OR2B11: variants seen among roughly 807,000 people sequenced by gnomAD.
OR2B11 encodes the protein olfactory receptor family 2 subfamily B member 11.
For missense variants in OR2B11, 422 were observed against 400.0 expected (o/e 1.05, Z -0.47); for synonymous variants, 198 against 174.5 (o/e 1.13, Z -1.06).
At chr1:247,456,342 T>C (rs1664964184) in intron 1 of OR2B11, among the ~76,000 whole-genome samples, 1 of 152,034 alleles carries the variant, frequency 6.6e-6, no homozygotes, top group Non-Finnish European at 1.5e-5. Flanking sequence ...AGAGATGGGG[T>C]CTTGCTATTG....
At position 247,453,642 on chromosome 1, in the gene OR2B11, C is replaced by T. The variant is rs1416334636; in HGVS notation, c.-1660G>A. The T allele has an allele frequency of 1.3e-5, 2 of 151,910 alleles. No homozygotes were observed. Among genetic ancestry groups the T allele is most frequent in the African/African-American group, 4.8e-5 (2 of 41,324 alleles). The allele number at this position is 151,910 out of a possible 1,614,324, so 9.4% of individuals were successfully genotyped here. A position where few individuals can be genotyped will look rare whatever the true frequency, so the allele number is the denominator to read the frequency against. ...CTGATTCCAGAGTTTCTTTTCAGAG[C>T]CTAAACTGGGAGAAAAGGGAGAAGT... On this transcript the variant is annotated 5_prime_UTR_variant, in exon 2 of 2. Coordinates refer to ENST00000641149, the MANE Select transcript of OR2B11 (RefSeq NM_001004492.2).
In OR2B11 at chr1:247,451,161, C is replaced by T. The variant is rs912097071; in HGVS notation, c.822G>A (p.Gln274=). The change falls in exon 2 of 2, where the codon CAG becomes CAA. Residue 274 remains glutamine, a synonymous_variant. Coordinates refer to ENST00000641149, the MANE Select transcript of OR2B11 (RefSeq NM_001004492.2). ...AATAGAAGAGAGAAATAAATTTGCC[C>T]TGCTCTTGGGAGTAGCTGGAAGGGG... The part of the protein sequence containing the change: ...LQPPSSYSQE[Q]GKFISLFYSI... The T allele has an allele frequency of 1.3e-6, 2 of 1,540,388 alleles. No homozygotes were observed. The highest frequency in any genetic ancestry group is 2.5e-5 in the South Asian group (2 of 78,458).
In OR2B11 at chr1:247,454,006, G is replaced by A. The variant is rs558748471; in HGVS notation, c.-2024C>T. 2 of 152,402 alleles carry A rather than the reference G, an allele frequency of 1.3e-5. No homozygotes were observed. The highest frequency in any genetic ancestry group is 3.9e-4 in the East Asian group (2 of 5,180). 9.4% of individuals were successfully genotyped at this position (152,402 alleles called of 1,614,324 possible). A position where few individuals can be genotyped will look rare whatever the true frequency, so the allele number is the denominator to read the frequency against. On this transcript the variant is annotated 5_prime_UTR_variant, in exon 2 of 2. Coordinates refer to ENST00000641149, the MANE Select transcript of OR2B11 (RefSeq NM_001004492.2). The stretch of plus-strand genomic sequence containing the variant: ...GGTGACATGGGGAGCAGCAAGGGCA[G>A]TCGCGTAAACGACTGAGACAAAAGA...
chr1:247,455,814 C>T (rs9988501), intron 1 of OR2B11, among the ~76,000 whole-genome samples: 113,614 of 152,046 alleles, frequency 0.75, 42,814 homozygotes, highest in East Asian at 0.93. Flanking sequence ...CTTCCCTTCC[C>T]TTCATGTCCC....
intron 1 of OR2B11, 25 bp from the exon 2 acceptor site, chr1:247,455,089 T>C (rs1373686610): frequency 6.6e-6 from 1 of 152,176 alleles, no homozygotes; most frequent in African/African-American, 2.4e-5. Flanking sequence ...ATCCTTATGA[T>C]TAATATTTAT....
At position 247,451,372 on chromosome 1, in the gene OR2B11, G is replaced by A. The variant is rs765958164; in HGVS notation, c.611C>T (p.Ala204Val). ...ADTAVNDTIL[A>V]VLVAFFVLVP... ...CAACACGAAGAAGGCCACCAGCACAGCCAGTATGGTGTCATTCACAGCGGT... is the reference window on the plus strand; with the variant it reads ...CAACACGAAGAAGGCCACCAGCACAACCAGTATGGTGTCATTCACAGCGGT... The change falls in exon 2 of 2, where the codon GCT becomes GTT. Residue 204 changes from alanine to valine, a missense_variant. Ala to Val is a moderately conservative substitution (Grantham distance 64, BLOSUM62 0). Coordinates refer to ENST00000641149, the MANE Select transcript of OR2B11 (RefSeq NM_001004492.2). 2 of 1,614,206 alleles carry A rather than the reference G, an allele frequency of 1.2e-6. No homozygotes were observed. Among genetic ancestry groups the A allele is most frequent in the Non-Finnish European group, 1.7e-6 (2 of 1,180,034 alleles).
In OR2B11 at chr1:247,452,069, C is replaced by T; in HGVS notation, c.-87G>A. The T allele has an allele frequency of 2.6e-6, 2 of 765,382 alleles. No individual in the cohort carries two copies. Among genetic ancestry groups the T allele is most frequent in the South Asian group, 3.3e-5 (2 of 60,160 alleles). The allele number at this position is 765,382 out of a possible 1,614,324, so 47.4% of individuals were successfully genotyped here. On this transcript the variant is annotated 5_prime_UTR_variant, in exon 2 of 2. Transcript: ENST00000641149. ...AGAGGAATTGATCACTTTCCTCCCT[C>T]TTGCATCCACTCTTCCTTTCCCAGG...
intron 1 of OR2B11, among the ~76,000 whole-genome samples, chr1:247,455,825 A>G (rs9287213): frequency 0.88 from 133,182 of 152,124 alleles, 58,557 homozygotes; most frequent in East Asian, 1. Context: ...TTCATGTCCC[A>G]CCTCTGGTTT....
chr1:247,451,228 A>G lies in OR2B11; in HGVS notation c.755T>C (p.Val252Ala). Residue 252 changes from valine (V) to alanine (A), a missense_variant, in exon 2 of 2, where the codon GTC becomes GCC. Val to Ala is a moderately conservative substitution (Grantham distance 64). Transcript: ENST00000641149. ...AATCGCAGGTAGGTAGAAGAGGGAG[A>G]CGATCATCAGGTGGGAGGAACACGT... ...FGTCSSHLMI[V>A]SLFYLPAIYM... 6.3e-7 allele frequency: 1 copy of G among 1,599,726 alleles called. No homozygotes were observed. Among genetic ancestry groups the G allele is most frequent in the Non-Finnish European group, 8.5e-7 (1 of 1,169,904 alleles).
rs10802508 is a variant in OR2B11, at chr1:247,454,453, A to G, written c.-2471T>C. 0.67 allele frequency: 101,869 copies of G among 152,046 alleles called. 36,737 individuals are homozygous for G. The highest frequency in any genetic ancestry group is 0.94 in the East Asian group (4,837 of 5,158). The allele number at this position is 152,046 out of a possible 1,614,324, so 9.4% of individuals were successfully genotyped here. ...AACATCGCCATCGCATTCAGACGGAATCCCTCAGGCTGTATCTACAGTTGT... is the reference window on the plus strand; with the variant it reads ...AACATCGCCATCGCATTCAGACGGAGTCCCTCAGGCTGTATCTACAGTTGT... On this transcript the variant is annotated 5_prime_UTR_variant, in exon 2 of 2. Coordinates refer to ENST00000641149, the MANE Select transcript of OR2B11 (RefSeq NM_001004492.2).
rs1232453572 is a variant in OR2B11, at chr1:247,453,708, C to G, written c.-1726G>C. 6.6e-6 allele frequency: 1 copy of G among 152,078 alleles called. No individual in the cohort carries two copies. The highest frequency in any genetic ancestry group is 2.4e-5 in the African/African-American group (1 of 41,396). 9.4% of individuals were successfully genotyped at this position (152,078 alleles called of 1,614,324 possible). ...GAAAGAAATGAGAGAATGAAGGAAGCAAGAAAGATAGAGGGGTAAATGTAT... is the reference window on the plus strand; with the variant it reads ...GAAAGAAATGAGAGAATGAAGGAAGGAAGAAAGATAGAGGGGTAAATGTAT... On this transcript the variant is annotated 5_prime_UTR_variant, in exon 2 of 2. Coordinates refer to ENST00000641149, the MANE Select transcript of OR2B11 (RefSeq NM_001004492.2).
Position 247,451,606 on chromosome 1 carries a change from C to A in OR2B11, c.377G>T (p.Arg126Leu), listed in dbSNP as rs544387517. 1 of 1,613,636 alleles carries A rather than the reference C, an allele frequency of 6.2e-7. No individual in the cohort carries two copies. Among genetic ancestry groups the A allele is most frequent in the Non-Finnish European group, 8.5e-7 (1 of 1,179,818 alleles). Residue 126 changes from arginine (R) to leucine (L), a missense_variant, in exon 2 of 2, where the codon CGC becomes CTC. Transcript: ENST00000641149. ...CAGGGGCTTGCAGATGGCCACGTAGCGGTCCAGGGCCATGGCGGCCAGGAC... is the reference window on the plus strand; with the variant it reads ...CAGGGGCTTGCAGATGGCCACGTAGAGGTCCAGGGCCATGGCGGCCAGGAC... ...CIVLAAMALDRYVAICKPLHY... is the reference protein window; with the variant it reads ...CIVLAAMALDLYVAICKPLHY...
rs1394734143 is a variant in OR2B11 at position 247,452,516 on chromosome 1, A to G, written c.-534T>C. 6.2e-6 allele frequency: 1 copy of G among 160,682 alleles called. No homozygotes were observed. The highest frequency in any genetic ancestry group is 1.8e-4 in the East Asian group (1 of 5,596). 10.0% of individuals were successfully genotyped at this position (160,682 alleles called of 1,614,324 possible). The stretch of plus-strand genomic sequence containing the variant: ...AAGCAAGCAGAAGGGCTTTGTGAGC[A>G]GCTGGGGGCTGTATTGATAGGACCA... On this transcript the variant is annotated 5_prime_UTR_variant, in exon 2 of 2. Transcript: ENST00000641149.
rs61618517 is a variant in OR2B11, at chr1:247,449,492, G to C, written c.*1537C>G. 6.6e-6 allele frequency: 1 copy of C among 152,190 alleles called. No homozygotes were observed. Among genetic ancestry groups the C allele is most frequent in the Non-Finnish European group, 1.5e-5 (1 of 68,014 alleles). 9.4% of individuals were successfully genotyped at this position (152,190 alleles called of 1,614,324 possible). On this transcript the variant is annotated 3_prime_UTR_variant, in exon 2 of 2. Transcript: ENST00000641149. Reference sequence around the variant, plus strand: ...TCTACACATGGACAACTCTTAAACCGCATGGAATTGCTCAGGATGGAAATA... The same window carrying C: ...TCTACACATGGACAACTCTTAAACCCCATGGAATTGCTCAGGATGGAAATA...
rs958702514 is a variant in OR2B11, at chr1:247,451,799, G to A, written c.184C>T (p.Pro62Ser). ...AGGTGACTGAGGAAGATGTACATGG[G>A]GCTGTGGAGTTGAGGATCCACCCGG... ...ASRVDPQLHS[P>S]MYIFLSHLSF... is the part of the protein sequence containing the mutation. Residue 62 changes from proline (P) to serine (S), a missense_variant, in exon 2 of 2, where the codon CCC becomes TCC. Physicochemically the swap from Pro to Ser is moderately conservative, Grantham distance 74. Transcript: ENST00000641149. 1.2e-6 allele frequency: 2 copies of A among 1,614,070 alleles called. No individual in the cohort carries two copies. The highest frequency in any genetic ancestry group is 1.3e-5 in the African/African-American group (1 of 74,924).
Position 247,452,322 on chromosome 1 carries a change from T to G in OR2B11, c.-340A>C. 3.8e-6 allele frequency: 1 copy of G among 261,228 alleles called. No homozygotes were observed. The highest frequency in any genetic ancestry group is 7.4e-6 in the Non-Finnish European group (1 of 135,176). 16.2% of individuals were successfully genotyped at this position (261,228 alleles called of 1,614,324 possible). A position where few individuals can be genotyped will look rare whatever the true frequency, so the allele number is the denominator to read the frequency against. ...AGAGACATTAAGTATGTGAGAAGAA[T>G]ACCTCACGAATGACAATTATGTTCC... On this transcript the variant is annotated 5_prime_UTR_variant, in exon 2 of 2. Transcript: ENST00000641149.
intron 1 of OR2B11, among the ~76,000 whole-genome samples, chr1:247,457,001 T>G (rs542926840): frequency 2.6e-5 from 4 of 151,894 alleles, no homozygotes; most frequent in Non-Finnish European, 5.9e-5. Flanking sequence ...TCGTCAGTTA[T>G]TCCTTCTAGT....
At position 247,451,222 on chromosome 1, in the gene OR2B11, A is replaced by G; in HGVS notation, c.761T>C (p.Leu254Pro). The change falls in exon 2 of 2, where the codon CTC (leucine) becomes CCC (proline). Residue 254 changes from leucine to proline, a missense_variant. Coordinates refer to ENST00000641149, the MANE Select transcript of OR2B11 (RefSeq NM_001004492.2). ...CATGTAAATCGCAGGTAGGTAGAAG[A>G]GGGAGACGATCATCAGGTGGGAGGA... ...TCSSHLMIVS[L>P]FYLPAIYMYL... is the part of the protein sequence containing the mutation. 1 of 1,597,896 alleles carries G rather than the reference A, an allele frequency of 6.3e-7. No homozygotes were observed. The highest frequency in any genetic ancestry group is 8.6e-7 in the Non-Finnish European group (1 of 1,169,050).
chr1:247,456,169 G>T (rs546234011), intron 1 of OR2B11, among the ~76,000 whole-genome samples: 1 of 152,160 alleles, frequency 6.6e-6, no homozygotes, highest in Non-Finnish European at 1.5e-5. Context: ...TTCAGGGACT[G>T]GGGTATGAGT....
Sources: allele counts gnomAD v4.1 joint callset (sites outside exome capture counted in the v4.1 genomes callset), GRCh38; gene constraint gnomAD v4.1.1; transcripts MANE v1.5; gene names NCBI Gene and HGNC (gene_info 2026-07-23, HGNC 2026-07-21).